Variants in SEL1L2 observed in about 807,000 individuals in gnomAD.
The protein encoded by SEL1L2 is SEL1L2 adaptor subunit of SYVN1 ubiquitin ligase.
In SEL1L2, 89 loss-of-function variants were observed where a neutral mutation model predicts 98.8. The observed-to-expected ratio is 0.90, with a 90% CI of 0.76 to 1.07. The LOEUF is 1.07. SEL1L2 is among the 50% of genes least tolerant of loss of function. SEL1L2 has a pLI of 0.00. For missense variants in SEL1L2, 788 were observed against 812.0 expected (o/e 0.97, Z 0.36); for synonymous variants, 262 against 278.5 (o/e 0.94, Z 0.59).
intron 3 of SEL1L2, among the ~76,000 whole-genome samples, chr20:13,928,722 G>A (rs571568809): frequency 2.0e-5 from 3 of 152,264 alleles, no homozygotes; most frequent in East Asian, 1.9e-4. Context: ...TAATGAATTC[G>A]TTAATGCAAT....
intron 10 of SEL1L2, among the ~76,000 whole-genome samples, chr20:13,879,446 G>A (rs968507427): frequency 6.6e-6 from 1 of 151,984 alleles, no homozygotes; most frequent in East Asian, 1.9e-4. Context: ...CCACCTCCTG[G>A]GTTCAAGCGA....
In SEL1L2 at chr20:13,983,023, C is replaced by CAAA. The variant is rs57993052; in HGVS notation, c.58+7451_58+7453dup. ...TGGGCAACAGAGCAAGACTCCATCT[C>CAAA]AAAAAAAAAAAAAAAAAAAAAAAAA... On this transcript the variant is annotated intron_variant, in intron 1 of 19. Transcript: ENST00000284951. Among the ~76,000 whole-genome samples, 29 of 15,564 alleles carry CAAA rather than the reference C, an allele frequency of 1.9e-3. 7 individuals carry two copies. Among genetic ancestry groups the CAAA allele is most frequent in the South Asian group, 9.8e-3 (1 of 102 alleles). The allele number at this position is 15,564 out of a possible 152,430, so 10.2% of individuals were successfully genotyped here. A position where few individuals can be genotyped will look rare whatever the true frequency, so the allele number is the denominator to read the frequency against.
chr20:13,881,576 T>C (rs1247654910), intron 10 of SEL1L2, among the ~76,000 whole-genome samples: 1 of 152,166 alleles, frequency 6.6e-6, no homozygotes, highest in Non-Finnish European at 1.5e-5. Context: ...GTGTAGAAAA[T>C]CCAAGATAAT....
chr20:13,877,114 C>A (rs1250800831), intron 11 of SEL1L2, among the ~76,000 whole-genome samples: 1 of 152,130 alleles, frequency 6.6e-6, no homozygotes, highest in African/African-American at 2.4e-5. Flanking sequence ...CGTGAGCCAC[C>A]GTGCCCGGCC....
chr20:13,932,404 G>T (rs1468204240), intron 2 of SEL1L2, among the ~76,000 whole-genome samples: 1 of 105,034 alleles, frequency 9.5e-6, no homozygotes, highest in East Asian at 2.7e-4. Context: ...TTTTTCCTTT[G>T]TCAATTATTA....
At chr20:13,915,830 C>G (rs2048377987) in intron 4 of SEL1L2, among the ~76,000 whole-genome samples, 1 of 152,128 alleles carries the variant, frequency 6.6e-6, no homozygotes, top group African/African-American at 2.4e-5. Flanking sequence ...AGCTGGGCAG[C>G]AGGGGCAGAT....
chr20:13,938,859 T>C (rs2049587310), intron 2 of SEL1L2, among the ~76,000 whole-genome samples: 1 of 152,064 alleles, frequency 6.6e-6, no homozygotes, highest in African/African-American at 2.4e-5. Flanking sequence ...ATATGTTTTC[T>C]GTTTAAATAC....
chr20:13,994,822 C>T (rs1764667297), upstream of SEL1L2, among the ~76,000 whole-genome samples: 1 of 152,222 alleles, frequency 6.6e-6, no homozygotes, highest in Middle Eastern at 3.4e-3. Context: ...TTTGGTTGTC[C>T]GCAACTTCTT....
chr20:13,859,880 T>A (rs1989817222), intron 17 of SEL1L2, among the ~76,000 whole-genome samples: 1 of 152,136 alleles, frequency 6.6e-6, no homozygotes, highest in Non-Finnish European at 1.5e-5. Flanking sequence ...TTTTTTGCAT[T>A]TTTAGTAGAG....
At chr20:13,922,703 T>C (rs1403223827) in intron 3 of SEL1L2, among the ~76,000 whole-genome samples, 1 of 152,230 alleles carries the variant, frequency 6.6e-6, no homozygotes, top group Non-Finnish European at 1.5e-5. Context: ...CCTCGCTCAC[T>C]TGTTAATTTT....
At chr20:13,915,628 G>T (rs953917913) in intron 4 of SEL1L2, among the ~76,000 whole-genome samples, 1 of 152,300 alleles carries the variant, frequency 6.6e-6, no homozygotes, top group African/African-American at 2.4e-5. Context: ...GACCCAGAGG[G>T]CAGCAATAGG....
chr20:13,976,225 C>T (rs1392108083), intron 1 of SEL1L2, among the ~76,000 whole-genome samples: 1 of 152,120 alleles, frequency 6.6e-6, no homozygotes, highest in African/African-American at 2.4e-5. Context: ...TGGTCTCGAT[C>T]TCCTGACCTC....
At chr20:13,931,852 A>G (rs565403573) in intron 2 of SEL1L2, 81 bp from the exon 3 acceptor site, 1 of 1,206,318 alleles carries the variant, frequency 8.3e-7, no homozygotes, top group South Asian at 1.7e-5. Flanking sequence ...GAAAATTCAT[A>G]TATTCATGGC....
chr20:13,929,459 GT>G (rs2049034326), intron 3 of SEL1L2, among the ~76,000 whole-genome samples: 3 of 135,218 alleles, frequency 2.2e-5, no homozygotes. Flanking sequence ...AAAGCCAGGT[GT>G]GTTGGATATC....
Position 13,866,707 on chromosome 20 carries a change from C to T in SEL1L2, c.1399G>A (p.Val467Met). Residue 467 changes from valine (V) to methionine (M), a missense_variant, in exon 15 of 20, where the codon GTG becomes ATG. Transcript: ENST00000284951. Reference protein sequence around the residue: ...TGVVRSCRTAVELYKGVCELG... With the variant: ...TGVVRSCRTAMELYKGVCELG... Reference sequence around the variant, plus strand: ...CAGCCGCATATTATATTTACCTCCACAGCAGTTCTGCATGATCTTACTACT... The same window carrying T: ...CAGCCGCATATTATATTTACCTCCATAGCAGTTCTGCATGATCTTACTACT... 2 of 1,581,814 alleles carry T rather than the reference C, an allele frequency of 1.3e-6. No homozygotes were observed. The highest frequency in any genetic ancestry group is 1.7e-6 in the Non-Finnish European group (2 of 1,167,990).
intron 10 of SEL1L2, among the ~76,000 whole-genome samples, chr20:13,880,628 CCATCCATCCATT>C (rs2046653503): frequency 6.6e-6 from 1 of 151,922 alleles, no homozygotes; most frequent in South Asian, 2.1e-4. Context: ...ATCCATCCAT[CCATCCATCCATT>C]CATCCATCCT....
intron 5 of SEL1L2, among the ~76,000 whole-genome samples, chr20:13,912,720 G>A (rs949098473): frequency 1.3e-5 from 2 of 152,180 alleles, no homozygotes; most frequent in African/African-American, 2.4e-5. Flanking sequence ...GGATGCAGGA[G>A]CCACCCTGAC....
chr20:13,922,359 T>A (rs959231846), intron 3 of SEL1L2, among the ~76,000 whole-genome samples: 9 of 152,214 alleles, frequency 5.9e-5, no homozygotes. Context: ...TTTGAGTCGA[T>A]TGCATCTTTA....
At chr20:13,993,310 G>A (rs1395268954), upstream of SEL1L2, among the ~76,000 whole-genome samples, 1 of 152,190 alleles carries the variant, frequency 6.6e-6, no homozygotes, top group East Asian at 1.9e-4. Flanking sequence ...TACCAGGGAT[G>A]GTGCTTAGGT....
Sources: allele counts gnomAD v4.1 joint callset (sites outside exome capture counted in the v4.1 genomes callset), GRCh38; gene constraint gnomAD v4.1.1; transcripts MANE v1.5; gene names NCBI Gene and HGNC (gene_info 2026-07-23, HGNC 2026-07-21).